The following EHMT1 variants were observed in gnomAD, a reference collection of about 807,000 sequenced individuals.
The protein encoded by EHMT1 is euchromatic histone lysine methyltransferase 1, also known as histone-lysine N-methyltransferase EHMT1.
In EHMT1, 15 loss-of-function variants were observed where a neutral mutation model predicts 147.2. The ratio of observed to expected loss-of-function variants is 0.10; its 90% CI spans 0.07 to 0.16. The LOEUF (loss-of-function observed/expected upper bound fraction) is 0.16, where lower values mean the gene tolerates loss of function less well. Ranked by LOEUF, EHMT1 falls within the 10% of genes least tolerant of loss-of-function variation. EHMT1 has a pLI of 1.00. For missense variants in EHMT1, 1,587 were observed against 1,772.4 expected, an observed-to-expected ratio of 0.90 and a Z score of 1.88; for synonymous variants, 795 against 709.6, an observed-to-expected ratio of 1.12 and a Z score of -1.91.
chr9:137,736,736 C>T (rs569960221), intron 4 of EHMT1, among the ~76,000 whole-genome samples: 1 of 152,084 alleles, frequency 6.6e-6, no homozygotes, highest in African/African-American at 2.4e-5. Flanking sequence ...ACTAAAAATA[C>T]AAAAATTAGC....
Position 137,828,080 on chromosome 9 carries a change from G to A in EHMT1, c.3541-6269G>A, listed in dbSNP as rs966916607. Reference sequence around the variant, plus strand: ...CATCGTGGGAGGGACGTGGACGAACGGCACGCAGTGGGAGGCCATGGGCAA... The same window carrying A: ...CATCGTGGGAGGGACGTGGACGAACAGCACGCAGTGGGAGGCCATGGGCAA... On this transcript the variant is annotated intron_variant, in intron 25 of 26. Transcript: ENST00000460843. The surrounding 1 kb of genome is among the most constrained non-coding windows in gnomAD (Gnocchi z 5.3). Among the ~76,000 whole-genome samples the A allele has an allele frequency of 6.6e-6, 1 of 152,184 alleles. No individual in the cohort carries two copies. The highest frequency in any genetic ancestry group is 2.4e-5 in the African/African-American group (1 of 41,446).
intron 8 of EHMT1, among the ~76,000 whole-genome samples, chr9:137,756,442 G>A (rs1949381836): frequency 6.6e-6 from 1 of 152,210 alleles, no homozygotes. Context: ...CCAATGTAGA[G>A]TACCTCTGTT....
chr9:137,800,445 A>T, intron 17 of EHMT1: 1 of 222,244 alleles, frequency 4.5e-6, no homozygotes, highest in Non-Finnish European at 9.1e-6. Context: ...AGGCTGAAGG[A>T]GGAGCAGAAC....
chr9:137,760,912 G>A (rs1026659891), intron 9 of EHMT1, among the ~76,000 whole-genome samples: 11 of 152,260 alleles, frequency 7.2e-5, no homozygotes, highest in Non-Finnish European at 8.8e-5. Context: ...GGAGGCTGAG[G>A]CGGGAGAATG....
chr9:137,834,940 C>T lies in EHMT1; in HGVS notation c.3884C>T (p.Ala1295Val), dbSNP rs1225363386. 2 of 1,513,192 alleles carry T rather than the reference C, an allele frequency of 1.3e-6. No individual in the cohort carries two copies. Among genetic ancestry groups the T allele is most frequent in the South Asian group, 1.3e-5 (1 of 78,998 alleles). 93.7% of individuals were successfully genotyped at this position (1,513,192 alleles called of 1,614,324 possible). Reference protein sequence around the residue: ...GLPDTSSAAAADPL With the variant: ...GLPDTSSAAAVDPL ...CCCGACACCAGCTCCGCGGCTGCCG[C>T]CGACCCCCTATGAGACGCCGCCGGC... is the stretch of plus-strand genomic sequence containing the variant. The change falls in exon 27 of 27, where the codon GCC becomes GTC. Residue 1295 changes from alanine to valine, a missense_variant. By Grantham distance (64) the Ala-to-Val change is moderately conservative (BLOSUM62 0). This residue lies in a region of EHMT1 where 141 missense variants were observed against 150.8 expected (regional missense o/e 0.94). Transcript: ENST00000460843.
rs556118135 is a variant in EHMT1, at chr9:137,723,362, C to T, written c.643-4987C>T. Among the ~76,000 whole-genome samples, 155 of 133,784 alleles carry T rather than the reference C, an allele frequency of 1.2e-3. 2 individuals carry two copies. Among genetic ancestry groups the T allele is most frequent in the Non-Finnish European group, 1.8e-3 (110 of 61,392 alleles). 87.8% of individuals were successfully genotyped at this position (133,784 alleles called of 152,430 possible). ...GTGTCCGTGGTTCTGGGCCTGAGCCCGGGGTGTGTCTGTGTCCGTGGTTCT... is the reference window on the plus strand; with the variant it reads ...GTGTCCGTGGTTCTGGGCCTGAGCCTGGGGTGTGTCTGTGTCCGTGGTTCT... On this transcript the variant is annotated intron_variant, in intron 3 of 26. Transcript: ENST00000460843.
chr9:137,638,454 G>A (rs1395146589), intron 1 of EHMT1: 3 of 152,108 alleles, frequency 2.0e-5, no homozygotes, highest in Admixed American at 1.3e-4. Context: ...CATGTTGGCC[G>A]AGGTGGTCTC....
chr9:137,780,198 G>GGCATCA (rs537014590), intron 14 of EHMT1, among the ~76,000 whole-genome samples: 13 of 146,050 alleles, frequency 8.9e-5, no homozygotes, highest in South Asian at 7.0e-4. Context: ...TGGTGATGAC[G>GGCATCA]CTGAGATGTG....
intron 1 of EHMT1, among the ~76,000 whole-genome samples, chr9:137,632,152 A>G (rs1246340585): frequency 3.9e-5 from 6 of 152,212 alleles, no homozygotes; most frequent in African/African-American, 7.2e-5. Flanking sequence ...CATATCTCCG[A>G]ATGTATCCCC....
chr9:137,629,624 A>G (rs759885677), intron 1 of EHMT1, among the ~76,000 whole-genome samples: 72 of 150,540 alleles, frequency 4.8e-4, no homozygotes, highest in Non-Finnish European at 9.5e-4. Context: ...CGCTCTCCTG[A>G]CCTCGTGATC....
At chr9:137,711,076 G>C in intron 2 of EHMT1, 46 bp downstream of exon 2, 1 of 1,547,452 alleles carries the variant, frequency 6.5e-7, no homozygotes, top group Middle Eastern at 1.7e-4. Context: ...CCTCCCTCCA[G>C]ACTAGAAAAC....
chr9:137,691,634 T>C (rs924231576), intron 1 of EHMT1, among the ~76,000 whole-genome samples: 9 of 152,196 alleles, frequency 5.9e-5, no homozygotes, highest in Non-Finnish European at 1.3e-4. Context: ...TTTCAATTGC[T>C]AGGTCATATG....
chr9:137,699,562 C>A (rs1046898297), intron 1 of EHMT1, among the ~76,000 whole-genome samples: 1 of 152,034 alleles, frequency 6.6e-6, no homozygotes, highest in Non-Finnish European at 1.5e-5. Flanking sequence ...ATAATCCCAG[C>A]TACTTGGGAG....
chr9:137,807,652 C>T (rs369453192), intron 18 of EHMT1, among the ~76,000 whole-genome samples: 7 of 152,062 alleles, frequency 4.6e-5, no homozygotes, highest in African/African-American at 1.7e-4. Flanking sequence ...GAATTACAGG[C>T]GCGCACGACC....
In EHMT1 at chr9:137,741,062, C is replaced by T. The variant is rs186775509; in HGVS notation, c.824-2309C>T. ...TGCGATCCTGGCTCACTGCAAGCTC[C>T]GCCTCCCGGGTTCACGCCATTCTCC... On this transcript the variant is annotated intron_variant, in intron 4 of 26. Transcript: ENST00000460843. Among the ~76,000 whole-genome samples the T allele has an allele frequency of 5.8e-3, 874 of 151,096 alleles. 3 individuals carry two copies. Among genetic ancestry groups the T allele is most frequent in the Middle Eastern group, 0.028 (8 of 290 alleles).
chr9:137,719,633 A>G (rs1371863893), intron 3 of EHMT1, among the ~76,000 whole-genome samples: 2 of 152,212 alleles, frequency 1.3e-5, no homozygotes, highest in African/African-American at 4.8e-5. Context: ...CCTTTCACCA[A>G]GCTTCCTTCA....
intron 10 of EHMT1, among the ~76,000 whole-genome samples, chr9:137,770,773 G>A (rs925964976): frequency 2.6e-5 from 4 of 152,182 alleles, no homozygotes; most frequent in Non-Finnish European, 2.9e-5. Context: ...ACCCAGGAGC[G>A]AACCAAAGAG....
intron 1 of EHMT1, among the ~76,000 whole-genome samples, chr9:137,657,241 A>C (rs947858245): frequency 1.8e-4 from 28 of 152,204 alleles, no homozygotes; most frequent in African/African-American, 6.8e-4. Context: ...TGGGGCAGCC[A>C]GCTCAGCTGA....
chr9:137,743,259 G>C (rs1355817035), intron 4 of EHMT1, 112 bp from the exon 5 acceptor site: 7 of 1,387,124 alleles, frequency 5.0e-6, no homozygotes, highest in Non-Finnish European at 6.8e-6. Context: ...GATGGGGTTT[G>C]CTGGTGATTT....
Sources: gnomAD v4.1 joint callset for allele counts (sites outside exome capture counted in the v4.1 genomes callset) on GRCh38, gnomAD v4.1.1 for gene constraint, gnomAD v4.1.1 regional missense constraint, Gnocchi (gnomAD v3.1) non-coding constraint, MANE v1.5 for transcripts, NCBI Gene and HGNC (gene_info 2026-07-23, HGNC 2026-07-21) for gene names.